Variants in CHST11 observed in about 807,000 individuals in gnomAD.
The protein encoded by CHST11 is carbohydrate sulfotransferase 11.
CHST11 carries 9 observed loss-of-function variants against 30.4 expected under a neutral mutation model. The ratio of observed to expected loss-of-function variants is 0.30; its 90% CI spans 0.18 to 0.52. The LOEUF (loss-of-function observed/expected upper bound fraction) is 0.52. Ranked by LOEUF, CHST11 falls within the 20% of genes least tolerant of loss-of-function variation. CHST11 has a pLI of 0.97. For missense variants in CHST11, 348 were observed against 460.6 expected (o/e 0.76, Z 2.24); for synonymous variants, 152 against 187.8 (o/e 0.81, Z 1.56).
chr12:104,594,683 G>C (rs1279996590), intron 1 of CHST11, among the ~76,000 whole-genome samples: 1 of 152,320 alleles, frequency 6.6e-6, no homozygotes, highest in African/African-American at 2.4e-5. Context: ...AGGGCTTGAC[G>C]TGGTGGCTCA....
chr12:104,652,020 T>G (rs2039494604), intron 2 of CHST11, among the ~76,000 whole-genome samples: 1 of 152,232 alleles, frequency 6.6e-6, no homozygotes, highest in Non-Finnish European at 1.5e-5. Context: ...AGGAAGATAC[T>G]TTTCCTGAGC....
Position 104,697,682 on chromosome 12 carries a change from G to T in CHST11, c.205-59267G>T, listed in dbSNP as rs553660954. Among the ~76,000 whole-genome samples the T allele has an allele frequency of 7.5e-4, 114 of 152,182 alleles. 1 individual carries two copies. Among genetic ancestry groups the T allele is most frequent in the Non-Finnish European group, 2.5e-4 (17 of 68,014 alleles). On this transcript the variant is annotated intron_variant, in intron 2 of 2. Coordinates refer to ENST00000303694, the MANE Select transcript of CHST11 (RefSeq NM_018413.6). ...GTTTTGTATTTCTTCCCAACTAAGT[G>T]GCCTCTCCATTGAAAAAAATAAGAA...
chr12:104,715,672 C>T (rs2040124759), intron 2 of CHST11, among the ~76,000 whole-genome samples: 1 of 152,154 alleles, frequency 6.6e-6, no homozygotes, highest in Admixed American at 6.5e-5. Context: ...CCAAAGGATG[C>T]TGCTGCCCTA....
chr12:104,649,905 G>A (rs912719938), intron 2 of CHST11, among the ~76,000 whole-genome samples: 1 of 152,294 alleles, frequency 6.6e-6, no homozygotes, highest in Middle Eastern at 3.4e-3. Context: ...GATAGACGAG[G>A]CACACTGGCA....
intron 1 of CHST11, among the ~76,000 whole-genome samples, chr12:104,537,088 C>T (rs2038244203): frequency 6.6e-6 from 1 of 152,146 alleles, no homozygotes; most frequent in South Asian, 2.1e-4. Context: ...ACATTGCACG[C>T]AGGTGTGTGG....
intron 2 of CHST11, among the ~76,000 whole-genome samples, chr12:104,728,446 C>G (rs561109364): frequency 6.7e-6 from 1 of 148,804 alleles, no homozygotes; most frequent in South Asian, 2.1e-4. Flanking sequence ...CAAACTCTTC[C>G]TTAAAAAAAA....
At chr12:104,659,323 G>C (rs1276718372) in intron 2 of CHST11, among the ~76,000 whole-genome samples, 2 of 152,146 alleles carry the variant, frequency 1.3e-5, no homozygotes, top group African/African-American at 2.4e-5. Flanking sequence ...ATTCCTTGAG[G>C]GGCTGGCACA....
chr12:104,564,158 T>C (rs1677148836), intron 1 of CHST11, among the ~76,000 whole-genome samples: 1 of 152,174 alleles, frequency 6.6e-6, no homozygotes, highest in Non-Finnish European at 1.5e-5. Flanking sequence ...GGCTGAGACC[T>C]GAGCTTCCCA....
At chr12:104,666,842 C>T (rs553988375) in intron 2 of CHST11, among the ~76,000 whole-genome samples, 3 of 152,070 alleles carry the variant, frequency 2.0e-5, no homozygotes, top group Admixed American at 2.0e-4. Flanking sequence ...TCTACAGTAC[C>T]GTGTGCGGTG....
intron 1 of CHST11, among the ~76,000 whole-genome samples, chr12:104,536,378 T>C (rs2038237080): frequency 6.6e-6 from 1 of 152,210 alleles, no homozygotes; most frequent in South Asian, 2.1e-4. Flanking sequence ...TGGTAAAGAC[T>C]TCCTACTCAA....
intron 2 of CHST11, among the ~76,000 whole-genome samples, chr12:104,706,034 T>C (rs2136116790): frequency 1.3e-5 from 2 of 151,524 alleles, no homozygotes; most frequent in Non-Finnish European, 2.9e-5. Flanking sequence ...TGCAGTGAGC[T>C]GTGATTGCAC....
At chr12:104,540,643 C>T (rs745999171) in intron 1 of CHST11, among the ~76,000 whole-genome samples, 20 of 152,200 alleles carry the variant, frequency 1.3e-4, no homozygotes, top group Admixed American at 4.6e-4. Flanking sequence ...TCAGCAGAAT[C>T]AGAACGATTG....
chr12:104,539,283 G>C (rs1592752325), intron 1 of CHST11, among the ~76,000 whole-genome samples: 2 of 152,220 alleles, frequency 1.3e-5, no homozygotes, highest in Middle Eastern at 3.4e-3. Context: ...TCACTTCTCT[G>C]TCTCTGCATC....
At chr12:104,619,553 A>G (rs1038393613) in intron 2 of CHST11, among the ~76,000 whole-genome samples, 30 of 152,208 alleles carry the variant, frequency 2.0e-4, no homozygotes, top group African/African-American at 6.0e-4. Flanking sequence ...CTAAGCCCCA[A>G]CCAAGAGTTG....
At chr12:104,624,882 G>T (rs1264925751) in intron 2 of CHST11, among the ~76,000 whole-genome samples, 1 of 152,236 alleles carries the variant, frequency 6.6e-6, no homozygotes, top group Admixed American at 6.5e-5. Flanking sequence ...CTTTTTGGCT[G>T]TGTCCTCACA....
At chr12:104,578,284 G>A (rs1205090392) in intron 1 of CHST11, among the ~76,000 whole-genome samples, 1 of 152,158 alleles carries the variant, frequency 6.6e-6, no homozygotes, top group Non-Finnish European at 1.5e-5. Flanking sequence ...CTTCCCAGTC[G>A]TTGAACCCCG....
At chr12:104,531,051 C>G (rs889249953) in intron 1 of CHST11, among the ~76,000 whole-genome samples, 1 of 152,220 alleles carries the variant, frequency 6.6e-6, no homozygotes, top group Admixed American at 6.5e-5. Context: ...TTCATGTTTT[C>G]CATCAGCCAC....
chr12:104,560,637 G>A (rs2136016179), intron 1 of CHST11, among the ~76,000 whole-genome samples: 1 of 152,330 alleles, frequency 6.6e-6, no homozygotes, highest in East Asian at 1.9e-4. Context: ...TCTAGTTCCA[G>A]TTCCTCCACT....
chr12:104,528,561 G>T (rs1022054678), intron 1 of CHST11, among the ~76,000 whole-genome samples: 1 of 152,186 alleles, frequency 6.6e-6, no homozygotes, highest in Admixed American at 6.5e-5. Context: ...GGACTGGGTG[G>T]CCAGTGCTGT....
Sources: gnomAD v4.1 joint callset for allele counts (sites outside exome capture counted in the v4.1 genomes callset) on GRCh38, gnomAD v4.1.1 for gene constraint, MANE v1.5 for transcripts, NCBI Gene and HGNC (gene_info 2026-07-23, HGNC 2026-07-21) for gene names.